Variants in SERGEF observed in about 807,000 individuals in gnomAD.
The protein encoded by SERGEF is secretion-regulating guanine nucleotide exchange factor.
In SERGEF, 51 loss-of-function variants were observed where a neutral mutation model predicts 50.0. The ratio of observed to expected loss-of-function variants is 1.02; its 90% CI spans 0.81 to 1.29. The LOEUF is 1.29. Ranked by LOEUF, SERGEF falls within the 50% of genes most tolerant of loss-of-function variation. SERGEF has a pLI of 0.00. For synonymous variants in SERGEF, 205 were observed against 212.4 expected (o/e 0.97, Z 0.30); for missense variants, 521 against 557.0 (o/e 0.94, Z 0.65).
At chr11:17,831,367 T>C (rs1348235554) in intron 10 of SERGEF, among the ~76,000 whole-genome samples, 3 of 152,200 alleles carry the variant, frequency 2.0e-5, no homozygotes, top group Non-Finnish European at 4.4e-5. Flanking sequence ...GGTTGCAGGT[T>C]GTCTCAGGGC....
chr11:17,810,406 A>T (rs1336004232), intron 10 of SERGEF, among the ~76,000 whole-genome samples: 2 of 152,220 alleles, frequency 1.3e-5, no homozygotes, highest in Non-Finnish European at 2.9e-5. Flanking sequence ...GGCTCAGCTC[A>T]AGTCCTCCTT....
chr11:17,867,390 T>C (rs537402270), intron 10 of SERGEF, among the ~76,000 whole-genome samples: 12 of 152,358 alleles, frequency 7.9e-5, no homozygotes, highest in Admixed American at 5.9e-4. Context: ...ATGATCTCCA[T>C]TGCCTCCATG....
At chr11:17,921,140 T>C (rs1852148321) in intron 9 of SERGEF, among the ~76,000 whole-genome samples, 1 of 152,226 alleles carries the variant, frequency 6.6e-6, no homozygotes, top group South Asian at 2.1e-4. Flanking sequence ...GTGTAATTAT[T>C]TCCAGCAAAA....
At chr11:17,806,712 G>A (rs533268883) in intron 10 of SERGEF, among the ~76,000 whole-genome samples, 1 of 152,266 alleles carries the variant, frequency 6.6e-6, no homozygotes, top group East Asian at 1.9e-4. Context: ...GTGCCCACTT[G>A]AAGTGAGGTG....
chr11:17,880,053 T>C (rs1212938350), intron 9 of SERGEF, among the ~76,000 whole-genome samples: 2 of 152,194 alleles, frequency 1.3e-5, no homozygotes, highest in African/African-American at 4.8e-5. Flanking sequence ...TGCACATTCA[T>C]AGGTGAGAAG....
chr11:17,938,331 G>C (rs1035441477), intron 9 of SERGEF, among the ~76,000 whole-genome samples: 2 of 152,160 alleles, frequency 1.3e-5, no homozygotes, highest in African/African-American at 4.8e-5. Context: ...ATTTGGCTTG[G>C]TCACAATATA....
intron 10 of SERGEF, among the ~76,000 whole-genome samples, chr11:17,802,864 C>T (rs182566379): frequency 4.8e-4 from 73 of 152,324 alleles, no homozygotes; most frequent in Admixed American, 1.4e-3. Flanking sequence ...CTTCCCAGCA[C>T]GTAATACCCT....
chr11:17,991,946 C>A lies in SERGEF; in HGVS notation c.685+985G>T, dbSNP rs1230532555. On this transcript the variant is annotated intron_variant, in intron 7 of 10. Coordinates refer to ENST00000265965, the MANE Select transcript of SERGEF (RefSeq NM_012139.4). The surrounding 1 kb of genome is among the most constrained non-coding windows in gnomAD (Gnocchi z 4.9). ...CAACTCTGTGAGAGGTCTTACCAAACAAAATATTATAAATCTCTCAGATGT... is the reference window on the plus strand; with the variant it reads ...CAACTCTGTGAGAGGTCTTACCAAAAAAAATATTATAAATCTCTCAGATGT... 6.6e-6 allele frequency among the ~76,000 whole-genome samples: 1 copy of A among 152,180 alleles called. No individual in the cohort carries two copies. Among genetic ancestry groups the A allele is most frequent in the Admixed American group, 6.5e-5 (1 of 15,278 alleles).
At chr11:17,896,758 G>GGAAGGGTAAC (rs1851643255) in intron 9 of SERGEF, among the ~76,000 whole-genome samples, 1 of 64,062 alleles carries the variant, frequency 1.6e-5, no homozygotes, top group Non-Finnish European at 3.6e-5. Flanking sequence ...GGAAGGGTAA[G>GGAAGGGTAAC]GGAAGGGAAG....
intron 8 of SERGEF, among the ~76,000 whole-genome samples, chr11:17,981,150 C>A (rs1853488674): frequency 6.6e-6 from 1 of 152,244 alleles, no homozygotes; most frequent in Non-Finnish European, 1.5e-5. Flanking sequence ...GGCCCTTGGC[C>A]ACAATCTTTT....
At chr11:17,992,258 A>G (rs1853727832) in intron 7 of SERGEF, among the ~76,000 whole-genome samples, 1 of 152,252 alleles carries the variant, frequency 6.6e-6, no homozygotes. Flanking sequence ...CTACATATCT[A>G]GAGTTAGATA....
At chr11:17,981,085 C>G (rs75836948) in intron 8 of SERGEF, among the ~76,000 whole-genome samples, 253 of 152,334 alleles carry the variant, frequency 1.7e-3, no homozygotes, top group African/African-American at 5.8e-3. Flanking sequence ...TTCACCCACA[C>G]TGACCTCTCC....
chr11:17,834,352 C>T (rs2133856712), intron 10 of SERGEF, among the ~76,000 whole-genome samples: 1 of 152,308 alleles, frequency 6.6e-6, no homozygotes, highest in African/African-American at 2.4e-5. Flanking sequence ...TTAAGTCCAA[C>T]TAAACCTCCT....
chr11:17,996,591 G>T (rs1017545739), intron 5 of SERGEF, among the ~76,000 whole-genome samples: 3 of 143,522 alleles, frequency 2.1e-5, no homozygotes, highest in African/African-American at 7.8e-5. Context: ...TGAAATTCTA[G>T]ATATTTGATC....
intron 10 of SERGEF, among the ~76,000 whole-genome samples, chr11:17,817,600 G>C (rs1850003186): frequency 6.6e-6 from 1 of 152,142 alleles, no homozygotes; most frequent in African/African-American, 2.4e-5. Flanking sequence ...AGAATGCCAA[G>C]ACACACAAAG....
intron 8 of SERGEF, among the ~76,000 whole-genome samples, chr11:17,977,812 C>CT (rs1183033497): frequency 6.6e-6 from 1 of 152,140 alleles, no homozygotes; most frequent in Non-Finnish European, 1.5e-5. Context: ...AGGTGAGAGT[C>CT]TATGAACCAG....
chr11:18,012,167 C>T (rs1172660779), intron 1 of SERGEF, among the ~76,000 whole-genome samples: 1 of 152,188 alleles, frequency 6.6e-6, no homozygotes, highest in Non-Finnish European at 1.5e-5. Context: ...AAGACAGGCA[C>T]AGCACCCACT....
rs577336762 is a variant in SERGEF at position 17,883,913 on chromosome 11, G to A, written c.1012-5669C>T. Among the ~76,000 whole-genome samples, 3 of 127,912 alleles carry A rather than the reference G, an allele frequency of 2.3e-5. No individual in the cohort carries two copies. In the East Asian group the frequency reaches 6.2e-4, roughly 27 times the overall value. The allele number at this position is 127,912 out of a possible 152,430, so 83.9% of individuals were successfully genotyped here. A position where few individuals can be genotyped will look rare whatever the true frequency, so the allele number is the denominator to read the frequency against. On this transcript the variant is annotated intron_variant, in intron 9 of 10. Transcript: ENST00000265965. The stretch of plus-strand genomic sequence containing the variant: ...TACCCATGGCGACAGAACGCCGCCA[G>A]ATTGTTCAAATCTGAACATTCTAAA...
intron 10 of SERGEF, among the ~76,000 whole-genome samples, chr11:17,801,405 G>T (rs935992777): frequency 2.4e-4 from 37 of 152,208 alleles, no homozygotes; most frequent in Non-Finnish European, 2.6e-4. Flanking sequence ...CTACTGCATT[G>T]CAGAGAACCA....
Sources: allele counts gnomAD v4.1 joint callset (sites outside exome capture counted in the v4.1 genomes callset), GRCh38; gene constraint gnomAD v4.1.1; non-coding constraint Gnocchi (gnomAD v3.1); transcripts MANE v1.5; gene names NCBI Gene and HGNC (gene_info 2026-07-23, HGNC 2026-07-21).